The following CNTNAP2 variants were observed in gnomAD, a reference collection of about 807,000 sequenced individuals.
CNTNAP2 encodes contactin-associated protein-like 2.
In CNTNAP2, 98 loss-of-function variants were observed where a neutral mutation model predicts 155.2. The observed-to-expected ratio is 0.63, with a 90% CI of 0.54 to 0.75. The LOEUF is 0.75. Among genes scored for constraint, CNTNAP2 ranks in the 30% least tolerant of loss-of-function variants. The probability of loss-of-function intolerance (pLI) is 0.00; values close to 1 mark genes in which losing one functional copy is unlikely to be tolerated. For missense variants in CNTNAP2, 1,727 were observed against 1,688.1 expected (o/e 1.02, Z -0.40); for synonymous variants, 651 against 631.2 (o/e 1.03, Z -0.47).
intron 10 of CNTNAP2, among the ~76,000 whole-genome samples, chr7:147,417,545 T>G (rs891278150): frequency 2.0e-5 from 3 of 152,190 alleles, no homozygotes; most frequent in African/African-American, 4.8e-5. Context: ...GACATAAACA[T>G]TCAGTCTCTA....
At chr7:147,929,787 C>T (rs1800464496) in intron 14 of CNTNAP2, among the ~76,000 whole-genome samples, 1 of 152,144 alleles carries the variant, frequency 6.6e-6, no homozygotes, top group Non-Finnish European at 1.5e-5. Context: ...CTTTTTAGCA[C>T]CAAGGGACAG....
intron 14 of CNTNAP2, among the ~76,000 whole-genome samples, chr7:147,914,071 C>G (rs1401479877): frequency 1.3e-5 from 2 of 150,574 alleles, no homozygotes; most frequent in South Asian, 4.2e-4. Flanking sequence ...AAAAAAATAA[C>G]CTGTAGACAG....
At chr7:147,948,516 GA>G (rs34748487) in intron 14 of CNTNAP2, among the ~76,000 whole-genome samples, 52,571 of 139,402 alleles carry the variant, frequency 0.38, 10,272 homozygotes, top group East Asian at 0.57. Flanking sequence ...GCCATTCCAG[GA>G]AAAAAAAAAA....
chr7:147,320,532 A>C (rs1410618192), intron 9 of CNTNAP2, among the ~76,000 whole-genome samples: 1 of 152,232 alleles, frequency 6.6e-6, no homozygotes, highest in African/African-American at 2.4e-5. Flanking sequence ...CCAAAATCTC[A>C]TAAGTTATTG....
chr7:147,669,693 T>A (rs1461886652), intron 13 of CNTNAP2, among the ~76,000 whole-genome samples: 7 of 152,174 alleles, frequency 4.6e-5, no homozygotes, highest in Non-Finnish European at 7.4e-5. Context: ...CAGCCTCTCA[T>A]CTGCATGCTC....
At chr7:147,891,307 C>A (rs1474145851) in intron 13 of CNTNAP2, among the ~76,000 whole-genome samples, 2 of 151,858 alleles carry the variant, frequency 1.3e-5, no homozygotes, top group Non-Finnish European at 1.5e-5. Context: ...CGGGTTCAAG[C>A]GATTCTCCTT....
In CNTNAP2 at chr7:148,138,294, T is replaced by C. The variant is rs191746118; in HGVS notation, c.2555-9197T>C. Among the ~76,000 whole-genome samples, 174 of 152,362 alleles carry C rather than the reference T, an allele frequency of 1.1e-3. 1 individual carries two copies. Among genetic ancestry groups the C allele is most frequent in the Admixed American group, 4.8e-3 (73 of 15,308 alleles). On this transcript the variant is annotated intron_variant, in intron 16 of 23. Coordinates refer to ENST00000361727, the MANE Select transcript of CNTNAP2 (RefSeq NM_014141.6). ...AGAAGGCACAATTAATTGACTTGTA[T>C]GCTGTCTCCTTGTAAGCTTCAGCTT...
At chr7:148,401,047 C>A (rs535582127) in intron 22 of CNTNAP2, among the ~76,000 whole-genome samples, 2 of 151,946 alleles carry the variant, frequency 1.3e-5, no homozygotes, top group East Asian at 3.9e-4. Flanking sequence ...AATATCTGTA[C>A]GTGTTCAGTA....
chr7:147,675,197 C>T (rs1365444546), intron 13 of CNTNAP2, among the ~76,000 whole-genome samples: 1 of 152,090 alleles, frequency 6.6e-6, no homozygotes, highest in African/African-American at 2.4e-5. Flanking sequence ...CTGCCTCCGT[C>T]TTCACAAGGC....
chr7:146,421,317 A>G (rs1202982138), intron 1 of CNTNAP2, among the ~76,000 whole-genome samples: 2 of 152,074 alleles, frequency 1.3e-5, no homozygotes, highest in African/African-American at 4.8e-5. Context: ...AAATGCATAC[A>G]GAAATAATGA....
intron 1 of CNTNAP2, among the ~76,000 whole-genome samples, chr7:146,197,530 T>C (rs1798794618): frequency 6.6e-6 from 1 of 152,200 alleles, no homozygotes; most frequent in African/African-American, 2.4e-5. Context: ...TCCATGATAC[T>C]ATTTTAAAAT....
At chr7:148,222,827 C>A (rs1795778252) in intron 19 of CNTNAP2, among the ~76,000 whole-genome samples, 1 of 152,160 alleles carries the variant, frequency 6.6e-6, no homozygotes, top group Admixed American at 6.5e-5. Context: ...ACCCACCAAG[C>A]TCATGGGTGA....
chr7:146,200,371 G>A (rs1798840644), intron 1 of CNTNAP2, among the ~76,000 whole-genome samples: 1 of 152,180 alleles, frequency 6.6e-6, no homozygotes. Flanking sequence ...GTACGTGCCT[G>A]TAGTCTCAGC....
intron 3 of CNTNAP2, among the ~76,000 whole-genome samples, chr7:146,965,130 G>A (rs1047790217): frequency 6.6e-6 from 1 of 152,146 alleles, no homozygotes; most frequent in African/African-American, 2.4e-5. Context: ...GCAGGAAGGT[G>A]GGGTCCATGT....
chr7:146,402,898 T>A (rs1320388192), intron 1 of CNTNAP2, among the ~76,000 whole-genome samples: 3 of 152,118 alleles, frequency 2.0e-5, no homozygotes, highest in Non-Finnish European at 2.9e-5. Context: ...ATAATTATAG[T>A]TTACACTTGC....
chr7:147,851,743 C>G (rs1311800766), intron 13 of CNTNAP2, among the ~76,000 whole-genome samples: 1 of 131,902 alleles, frequency 7.6e-6, no homozygotes, highest in African/African-American at 3.0e-5. Flanking sequence ...GGGAACATCA[C>G]ACACCAAGGC....
At chr7:147,806,881 T>C (rs117935221) in intron 13 of CNTNAP2, among the ~76,000 whole-genome samples, 4,118 of 152,254 alleles carry the variant, frequency 0.027, 96 homozygotes, top group Non-Finnish European at 0.044. Flanking sequence ...GAGGTGATGG[T>C]TAATGAGTAC....
chr7:148,412,206 G>A (rs1462328705), intron 23 of CNTNAP2, among the ~76,000 whole-genome samples: 3 of 152,138 alleles, frequency 2.0e-5, no homozygotes, highest in Non-Finnish European at 2.9e-5. Flanking sequence ...TGCAAAACTG[G>A]TAGGATTACA....
intron 3 of CNTNAP2, among the ~76,000 whole-genome samples, chr7:147,020,978 T>C (rs1798807813): frequency 6.6e-6 from 1 of 152,100 alleles, no homozygotes; most frequent in African/African-American, 2.4e-5. Context: ...TTAAAATAAA[T>C]GAGGCAACCC....
Sources: gnomAD v4.1 joint callset for allele counts (sites outside exome capture counted in the v4.1 genomes callset) on GRCh38, gnomAD v4.1.1 for gene constraint, MANE v1.5 for transcripts, NCBI Gene and HGNC (gene_info 2026-07-23, HGNC 2026-07-21) for gene names.